PTPRD: variants seen among roughly 807,000 people sequenced by gnomAD.
PTPRD encodes receptor-type tyrosine-protein phosphatase delta.
In PTPRD, 34 loss-of-function variants were observed where a neutral mutation model predicts 214.5. That is an observed-to-expected ratio of 0.16 (90% CI 0.12 to 0.21). PTPRD has a LOEUF of 0.21. PTPRD is among the 10% of genes least tolerant of loss of function. PTPRD has a pLI of 1.00. For missense variants in PTPRD, 2,545 were observed against 2,398.7 expected (o/e 1.06, Z -1.27); for synonymous variants, 1,128 against 845.7 (o/e 1.33, Z -5.79).
chr9:10,412,006 C>A (rs577188895), intron 2 of PTPRD, among the ~76,000 whole-genome samples: 2 of 151,688 alleles, frequency 1.3e-5, no homozygotes, highest in East Asian at 3.9e-4. Context: ...TTTAGACCTG[C>A]AACTATAAAA....
chr9:9,236,184 T>C (rs2099966588), intron 9 of PTPRD, among the ~76,000 whole-genome samples: 1 of 151,854 alleles, frequency 6.6e-6, no homozygotes, highest in African/African-American at 2.4e-5. Flanking sequence ...ATCCAGGAGG[T>C]GGAGGCTGCA....
At chr9:10,214,679 T>A (rs953209559) in intron 3 of PTPRD, among the ~76,000 whole-genome samples, 1 of 152,072 alleles carries the variant, frequency 6.6e-6, no homozygotes, top group African/African-American at 2.4e-5. Context: ...CCTGCCTCTA[T>A]GCAATCCTTC....
At chr9:8,594,348 GTTTAC>G (rs1341500452) in intron 14 of PTPRD, among the ~76,000 whole-genome samples, 3 of 152,068 alleles carry the variant, frequency 2.0e-5, no homozygotes, top group African/African-American at 4.8e-5. Context: ...AAATGGAAAA[GTTTAC>G]TTTATCAAAG....
In PTPRD at chr9:10,522,413, G is replaced by C. The variant is rs1164675549; in HGVS notation, c.-600+89985C>G. Among the ~76,000 whole-genome samples, 82 of 152,092 alleles carry C rather than the reference G, an allele frequency of 5.4e-4. 1 individual carries two copies. The highest frequency in any genetic ancestry group is 4.4e-5 in the Non-Finnish European group (3 of 68,020). On this transcript the variant is annotated intron_variant, in intron 2 of 45. Transcript: ENST00000381196. Reference sequence around the variant, plus strand: ...TTTTGAGAGGTGCTTTTCTATTAAAGGCTGAGAAAGCCTGTTTTATTTTTT... The same window carrying C: ...TTTTGAGAGGTGCTTTTCTATTAAACGCTGAGAAAGCCTGTTTTATTTTTT...
At chr9:8,799,978 G>A (rs2096538592) in intron 11 of PTPRD, among the ~76,000 whole-genome samples, 1 of 151,700 alleles carries the variant, frequency 6.6e-6, no homozygotes, top group African/African-American at 2.4e-5. Context: ...TAAATATAGT[G>A]CTGCCACCAT....
chr9:10,183,435 G>T (rs1338194925), intron 3 of PTPRD, among the ~76,000 whole-genome samples: 1 of 152,138 alleles, frequency 6.6e-6, no homozygotes, highest in Admixed American at 6.5e-5. Context: ...GGACTACAGT[G>T]TTGAGTAACT....
intron 39 of PTPRD, among the ~76,000 whole-genome samples, chr9:8,361,187 A>C (rs1374717968): frequency 6.6e-6 from 1 of 152,160 alleles, no homozygotes; most frequent in Non-Finnish European, 1.5e-5. Context: ...CTTTCTTCTC[A>C]ATGAAGTAGC....
At chr9:10,397,229 A>G (rs534090507) in intron 2 of PTPRD, among the ~76,000 whole-genome samples, 131 of 152,194 alleles carry the variant, frequency 8.6e-4, no homozygotes, top group African/African-American at 3.0e-3. Flanking sequence ...GTTAACACCT[A>G]TGTGACTTGT....
intron 7 of PTPRD, among the ~76,000 whole-genome samples, chr9:9,592,253 T>G (rs2092809015): frequency 6.6e-6 from 1 of 152,054 alleles, no homozygotes. Context: ...CTTGTTCCAT[T>G]TCCATGCTGT....
At chr9:8,870,013 G>A (rs2098268218) in intron 11 of PTPRD, among the ~76,000 whole-genome samples, 1 of 151,926 alleles carries the variant, frequency 6.6e-6, no homozygotes, top group South Asian at 2.1e-4. Flanking sequence ...CAACCTGCTG[G>A]GACATTTCAG....
At chr9:10,600,254 T>C (rs1438611549) in intron 2 of PTPRD, among the ~76,000 whole-genome samples, 3 of 151,786 alleles carry the variant, frequency 2.0e-5, no homozygotes, top group African/African-American at 7.3e-5. Flanking sequence ...ATATGTTATA[T>C]AAATATTAAA....
intron 8 of PTPRD, among the ~76,000 whole-genome samples, chr9:9,435,472 T>C (rs2084875286): frequency 6.6e-6 from 1 of 152,028 alleles, no homozygotes; most frequent in Non-Finnish European, 1.5e-5. Flanking sequence ...GCTATGACTG[T>C]GCCACCACAC....
At chr9:8,496,450 C>G (rs1231608521) in intron 26 of PTPRD, among the ~76,000 whole-genome samples, 1 of 152,142 alleles carries the variant, frequency 6.6e-6, no homozygotes, top group African/African-American at 2.4e-5. Flanking sequence ...AATGTAAACA[C>G]TAGAAAGGCA....
chr9:10,014,579 A>G (rs1389910727), intron 4 of PTPRD, among the ~76,000 whole-genome samples: 2 of 152,054 alleles, frequency 1.3e-5, no homozygotes, highest in Non-Finnish European at 2.9e-5. Flanking sequence ...TGTCATTAAC[A>G]CTTTCAGTAT....
Position 10,236,917 on chromosome 9 carries a change from T to C in PTPRD, c.-545+104046A>G, listed in dbSNP as rs117706440. The stretch of plus-strand genomic sequence containing the variant: ...TTACACCATTAAGTATTAAAAATAT[T>C]ATTCTTTGGTGGGGGGGCTGAAAAG... On this transcript the variant is annotated intron_variant, in intron 3 of 45. Transcript: ENST00000381196. Among the ~76,000 whole-genome samples, 763 of 151,998 alleles carry C rather than the reference T, an allele frequency of 5.0e-3. 4 individuals carry two copies. Among genetic ancestry groups the C allele is most frequent in the Admixed American group, 7.2e-3 (109 of 15,184 alleles).
intron 9 of PTPRD, among the ~76,000 whole-genome samples, chr9:9,353,536 G>A (rs907694564): frequency 5.3e-5 from 8 of 151,388 alleles, no homozygotes; most frequent in East Asian, 2.0e-4. Flanking sequence ...GGAAAAATGC[G>A]GTCATTTAAT....
intron 7 of PTPRD, among the ~76,000 whole-genome samples, chr9:9,692,519 G>A (rs570159384): frequency 2.6e-5 from 4 of 152,034 alleles, no homozygotes; most frequent in African/African-American, 9.6e-5. Context: ...ATGCTGTTTT[G>A]GTTGCTATAA....
chr9:8,785,023 C>G (rs2095880619), intron 11 of PTPRD, among the ~76,000 whole-genome samples: 1 of 152,050 alleles, frequency 6.6e-6, no homozygotes, highest in Admixed American at 6.6e-5. Context: ...CTGCACCCTG[C>G]CAGTCCTGCC....
At chr9:10,452,771 A>T (rs1261322761) in intron 2 of PTPRD, among the ~76,000 whole-genome samples, 1 of 151,700 alleles carries the variant, frequency 6.6e-6, no homozygotes, top group East Asian at 1.9e-4. Flanking sequence ...TTCTTATAAC[A>T]TTGGTTGCCT....
Sources: allele counts gnomAD v4.1 joint callset (sites outside exome capture counted in the v4.1 genomes callset), GRCh38; gene constraint gnomAD v4.1.1; transcripts MANE v1.5; gene names NCBI Gene and HGNC (gene_info 2026-07-23, HGNC 2026-07-21).